Variants in KCNQ1OT1 observed in about 807,000 individuals in gnomAD.
KCNQ1OT1 encodes KCNQ1 antisense RNA 2 (non-protein coding).
chr11:2,635,166 G>C (rs1334752084), exon 1 of KCNQ1OT1: 1 of 152,162 alleles, frequency 6.6e-6, no homozygotes, highest in Non-Finnish European at 1.5e-5. Flanking sequence ...CTTTTGCTGT[G>C]CAGAAGCTCT....
At position 2,683,082 on chromosome 11, in the gene KCNQ1OT1, A is replaced by G. The variant is rs1850425231; in HGVS notation, n.16913T>C. 1.3e-5 allele frequency: 5 copies of G among 398,394 alleles called. No homozygotes were observed. The highest frequency in any genetic ancestry group is 2.1e-5 in the African/African-American group (1 of 48,532). 24.7% of individuals were successfully genotyped at this position (398,394 alleles called of 1,614,324 possible). ...GGCTCTTGCTAGCCTGAGGACCAGGAGCCTTCAGATTTTCTTGTTCCCAGG... is the reference window on the plus strand; with the variant it reads ...GGCTCTTGCTAGCCTGAGGACCAGGGGCCTTCAGATTTTCTTGTTCCCAGG... On this transcript the variant is annotated non_coding_transcript_exon_variant, in exon 1 of 1. Coordinates refer to ENST00000597346, the Ensembl canonical transcript of KCNQ1OT1. This position sits in a 1 kb window ranked among gnomAD's most constrained non-coding sequence, Gnocchi z 4.7.
chr11:2,644,314 CT>C, exon 1 of KCNQ1OT1: 1 of 398,302 alleles, frequency 2.5e-6, no homozygotes, highest in Non-Finnish European at 4.4e-6. Flanking sequence ...TTTCAAAAGA[CT>C]TATCTTCAAG....
chr11:2,641,813 G>GTATA (rs1849581347), exon 1 of KCNQ1OT1: 1 of 398,278 alleles, frequency 2.5e-6, no homozygotes, highest in Non-Finnish European at 4.4e-6. Context: ...GTTGATTTTA[G>GTATA]TATAGCAAGA....
exon 1 of KCNQ1OT1, chr11:2,639,844 CT>C (rs1849540912): frequency 6.6e-6 from 1 of 152,614 alleles, no homozygotes; most frequent in Non-Finnish European, 1.5e-5. Context: ...CCTCCTTGAG[CT>C]GTGGTGGACT....
At position 2,648,372 on chromosome 11, in the gene KCNQ1OT1, T is replaced by G. The variant is rs1050395217; in HGVS notation, n.51623A>C. 11 of 398,476 alleles carry G rather than the reference T, an allele frequency of 2.8e-5. No individual in the cohort carries two copies. The highest frequency in any genetic ancestry group is 6.2e-4 in the Middle Eastern group (1 of 1,610). 24.7% of individuals were successfully genotyped at this position (398,476 alleles called of 1,614,324 possible). A position where few individuals can be genotyped will look rare whatever the true frequency, so the allele number is the denominator to read the frequency against. ...GAGATGCGTTTATTAGGTTATTTGT[T>G]TAAAAACTTTCTACCTTATTGATGT... is the stretch of plus-strand genomic sequence containing the variant. On this transcript the variant is annotated non_coding_transcript_exon_variant, in exon 1 of 1. Coordinates refer to ENST00000597346, the Ensembl canonical transcript of KCNQ1OT1.
In KCNQ1OT1 at chr11:2,623,265, C is replaced by G. The variant is rs554015732; in HGVS notation, n.76730G>C. On this transcript the variant is annotated non_coding_transcript_exon_variant, in exon 1 of 1. Coordinates refer to ENST00000597346, the Ensembl canonical transcript of KCNQ1OT1. This position sits in a 1 kb window ranked among gnomAD's most constrained non-coding sequence, Gnocchi z 5.2. ...ACAAAACTGTGAGTCAATTAAACCT[C>G]TTTTCTCACAAATTACCCAGTCTCA... 2.5e-6 allele frequency: 1 copy of G among 398,754 alleles called. No individual in the cohort carries two copies. The highest frequency in any genetic ancestry group is 3.6e-5 in the East Asian group (1 of 28,074). 24.7% of individuals were successfully genotyped at this position (398,754 alleles called of 1,614,324 possible).
Position 2,669,035 on chromosome 11 carries a change from C to A in KCNQ1OT1, n.30960G>T. ...CTTGGATATCCAGTCTAGCTCAGCA[C>A]CCGGCATGGGAAGGCCCGTCCTCTC... On this transcript the variant is annotated non_coding_transcript_exon_variant, in exon 1 of 1. Coordinates refer to ENST00000597346, the Ensembl canonical transcript of KCNQ1OT1. The surrounding 1 kb of genome is among the most constrained non-coding windows in gnomAD (Gnocchi z 5.6). 1 of 398,698 alleles carries A rather than the reference C, an allele frequency of 2.5e-6. No individual in the cohort carries two copies. Among genetic ancestry groups the A allele is most frequent in the Non-Finnish European group, 4.4e-6 (1 of 226,106 alleles). The allele number at this position is 398,698 out of a possible 1,614,324, so 24.7% of individuals were successfully genotyped here.
exon 1 of KCNQ1OT1, chr11:2,667,202 C>G (rs915653361): frequency 7.5e-6 from 3 of 398,736 alleles, no homozygotes; most frequent in African/African-American, 4.1e-5. Context: ...GGCGGCCCCC[C>G]GTGGCCCCCT....
At chr11:2,684,567 G>C (rs1002941015) in exon 1 of KCNQ1OT1, 3 of 398,506 alleles carry the variant, frequency 7.5e-6, no homozygotes, top group African/African-American at 6.2e-5. Flanking sequence ...TCCCATAAAT[G>C]ACTTTCTGGC....
chr11:2,644,204 T>C (rs1849627755), exon 1 of KCNQ1OT1: 3 of 398,452 alleles, frequency 7.5e-6, no homozygotes, highest in African/African-American at 2.1e-5. Context: ...TGGTTTGCTC[T>C]TCACCTTCTG....
rs1850515081 is a variant in KCNQ1OT1, at chr11:2,687,711, C to G, written n.12284G>C. ...TTCAGTGTTGGAATGGGTCTGGGCC[C>G]AGATTTCAAGCCAGTAACCAGCAAA... On this transcript the variant is annotated non_coding_transcript_exon_variant, in exon 1 of 1. Transcript: ENST00000597346. This position sits in a 1 kb window ranked among gnomAD's most constrained non-coding sequence, Gnocchi z 5.0. 1 of 398,602 alleles carries G rather than the reference C, an allele frequency of 2.5e-6. No homozygotes were observed. Among genetic ancestry groups the G allele is most frequent in the South Asian group, 1.3e-4 (1 of 7,870 alleles). The allele number at this position is 398,602 out of a possible 1,614,324, so 24.7% of individuals were successfully genotyped here. A position where few individuals can be genotyped will look rare whatever the true frequency, so the allele number is the denominator to read the frequency against.
chr11:2,610,865 C>T, exon 1 of KCNQ1OT1: 1 of 398,062 alleles, frequency 2.5e-6, no homozygotes, highest in Non-Finnish European at 4.4e-6. Context: ...AAGCAGAGTG[C>T]CACATAGCCT....
At chr11:2,649,795 T>TTTA (rs1312338624) in exon 1 of KCNQ1OT1, 1 of 398,436 alleles carries the variant, frequency 2.5e-6, no homozygotes, top group African/African-American at 2.1e-5. Context: ...GTTGAATCTA[T>TTTA]TTAGGGATTT....
At position 2,669,052 on chromosome 11, in the gene KCNQ1OT1, C is replaced by T. The variant is rs1195257363; in HGVS notation, n.30943G>A. The T allele has an allele frequency of 1.5e-5, 6 of 398,584 alleles. No individual in the cohort carries two copies. The highest frequency in any genetic ancestry group is 1.1e-4 in the East Asian group (3 of 28,094). 24.7% of individuals were successfully genotyped at this position (398,584 alleles called of 1,614,324 possible). A position where few individuals can be genotyped will look rare whatever the true frequency, so the allele number is the denominator to read the frequency against. On this transcript the variant is annotated non_coding_transcript_exon_variant, in exon 1 of 1. Coordinates refer to ENST00000597346, the Ensembl canonical transcript of KCNQ1OT1. This position sits in a 1 kb window ranked among gnomAD's most constrained non-coding sequence, Gnocchi z 5.6. The stretch of plus-strand genomic sequence containing the variant: ...GCTCAGCACCCGGCATGGGAAGGCC[C>T]GTCCTCTCCCAACTACCCTGCCGTA...
Position 2,657,920 on chromosome 11 carries a change from C to T in KCNQ1OT1, n.42075G>A. 1 of 398,578 alleles carries T rather than the reference C, an allele frequency of 2.5e-6. No homozygotes were observed. The highest frequency in any genetic ancestry group is 4.4e-6 in the Non-Finnish European group (1 of 226,054). 24.7% of individuals were successfully genotyped at this position (398,578 alleles called of 1,614,324 possible). A position where few individuals can be genotyped will look rare whatever the true frequency, so the allele number is the denominator to read the frequency against. On this transcript the variant is annotated non_coding_transcript_exon_variant, in exon 1 of 1. Coordinates refer to ENST00000597346, the Ensembl canonical transcript of KCNQ1OT1. The surrounding 1 kb of genome is among the most constrained non-coding windows in gnomAD (Gnocchi z 4.8). ...TCCTCATTGTGGAACATGACATCAA[C>T]ATGGTTTATCACTGGTAATATTAAC...
chr11:2,697,791 G>A lies in KCNQ1OT1; in HGVS notation n.2204C>T, dbSNP rs140573991. ...AGCTAGCATTGTACAAGGAACTTCT[G>A]CATCTACATTCATAAGGGAAATTCT... On this transcript the variant is annotated non_coding_transcript_exon_variant, in exon 1 of 1. Coordinates refer to ENST00000597346, the Ensembl canonical transcript of KCNQ1OT1. 10 of 398,594 alleles carry A rather than the reference G, an allele frequency of 2.5e-5. No individual in the cohort carries two copies. In the East Asian group the frequency reaches 3.2e-4, roughly 13 times the overall value. 24.7% of individuals were successfully genotyped at this position (398,594 alleles called of 1,614,324 possible).
chr11:2,656,543 C>T, exon 1 of KCNQ1OT1: 1 of 398,660 alleles, frequency 2.5e-6, no homozygotes. Context: ...TCAGGCGCAA[C>T]ACCTTTCCAC....
At position 2,653,832 on chromosome 11, in the gene KCNQ1OT1, G is replaced by T. The variant is rs1849794833; in HGVS notation, n.46163C>A. Reference sequence around the variant, plus strand: ...AGGCAAGGTCCACAGGGACCCCTTTGGGGATGGCCAGAGGGTACCTAAACA... The same window carrying T: ...AGGCAAGGTCCACAGGGACCCCTTTTGGGATGGCCAGAGGGTACCTAAACA... On this transcript the variant is annotated non_coding_transcript_exon_variant, in exon 1 of 1. Coordinates refer to ENST00000597346, the Ensembl canonical transcript of KCNQ1OT1. The surrounding 1 kb of genome is among the most constrained non-coding windows in gnomAD (Gnocchi z 5.3). 3 of 398,532 alleles carry T rather than the reference G, an allele frequency of 7.5e-6. No individual in the cohort carries two copies. The highest frequency in any genetic ancestry group is 6.2e-5 in the African/African-American group (3 of 48,626). The allele number at this position is 398,532 out of a possible 1,614,324, so 24.7% of individuals were successfully genotyped here.
chr11:2,621,235 C>T lies in KCNQ1OT1; in HGVS notation n.78760G>A, dbSNP rs1849167028. ...CCAGATGATCCACGCACCTCAGCCTCCCAAAGTGCTAGGACTACAGGCATG... is the reference window on the plus strand; with the variant it reads ...CCAGATGATCCACGCACCTCAGCCTTCCAAAGTGCTAGGACTACAGGCATG... On this transcript the variant is annotated non_coding_transcript_exon_variant, in exon 1 of 1. Coordinates refer to ENST00000597346, the Ensembl canonical transcript of KCNQ1OT1. The surrounding 1 kb of genome is among the most constrained non-coding windows in gnomAD (Gnocchi z 5.7). 2.5e-6 allele frequency: 1 copy of T among 398,094 alleles called. No individual in the cohort carries two copies. Among genetic ancestry groups the T allele is most frequent in the Non-Finnish European group, 4.4e-6 (1 of 226,070 alleles). The allele number at this position is 398,094 out of a possible 1,614,324, so 24.7% of individuals were successfully genotyped here. A position where few individuals can be genotyped will look rare whatever the true frequency, so the allele number is the denominator to read the frequency against.
Sources: allele counts gnomAD v4.1 joint callset, GRCh38; gene constraint gnomAD v4.1.1; non-coding constraint Gnocchi (gnomAD v3.1); transcripts MANE v1.5; gene names NCBI Gene and HGNC (gene_info 2026-07-23, HGNC 2026-07-21).